Variants in PIF1 observed in about 807,000 individuals in gnomAD.
PIF1 encodes the protein PIF1 5'-to-3' DNA helicase.
PIF1 carries 67 observed loss-of-function variants against 62.3 expected under a neutral mutation model. The observed-to-expected ratio is 1.08, with a 90% confidence interval of 0.88 to 1.32. The LOEUF (loss-of-function observed/expected upper bound fraction) is 1.32. PIF1 is among the 40% of genes most tolerant of loss of function. PIF1 has a pLI of 0.00. For missense variants in PIF1, 886 were observed against 866.1 expected (o/e 1.02, Z -0.29); for synonymous variants, 364 against 379.5 (o/e 0.96, Z 0.47).
At position 64,816,050 on chromosome 15, in the gene PIF1, C is replaced by T; in HGVS notation, c.*248G>A. ...ACCACACAGGCTCATTCTCAACTGGCACAGAAAGGGTTACTTCTGACCCTA... is the reference window on the plus strand; with the variant it reads ...ACCACACAGGCTCATTCTCAACTGGTACAGAAAGGGTTACTTCTGACCCTA... On this transcript the variant is annotated 3_prime_UTR_variant, in exon 13 of 13. Coordinates refer to ENST00000559239, the MANE Select transcript of PIF1 (RefSeq NM_001286496.2). The T allele has an allele frequency of 6.8e-7, 1 of 1,462,218 alleles. No homozygotes were observed. The highest frequency in any genetic ancestry group is 9.0e-7 in the Non-Finnish European group (1 of 1,111,236). 90.6% of individuals were successfully genotyped at this position (1,462,218 alleles called of 1,614,324 possible). A position where few individuals can be genotyped will look rare whatever the true frequency, so the allele number is the denominator to read the frequency against.
intron 9 of PIF1, chr15:64,818,885 AAAG>A (rs1240987575): frequency 9.2e-6 from 4 of 435,060 alleles, no homozygotes; most frequent in African/African-American, 8.2e-5. Context: ...TCAGCAAGGG[AAAG>A]AAATTTGCCC....
intron 2 of PIF1, 137 bp downstream of exon 2, chr15:64,823,641 A>G (rs1368768589): frequency 5.5e-6 from 3 of 542,504 alleles, no homozygotes; most frequent in Non-Finnish European, 8.7e-6. Flanking sequence ...CAATTCCCAC[A>G]CCCCTGTCAT....
chr15:64,819,529 G>A (rs955870186), intron 8 of PIF1, among the ~76,000 whole-genome samples: 2 of 152,008 alleles, frequency 1.3e-5, no homozygotes, highest in East Asian at 3.9e-4. Flanking sequence ...GGCTGGTCTC[G>A]AACTGCTGGC....
chr15:64,821,990 TC>T (rs2084296858), intron 4 of PIF1: 1 of 415,066 alleles, frequency 2.4e-6, no homozygotes, highest in Admixed American at 4.4e-5. Context: ...TCCGCCTGCC[TC>T]GGCCTCCCAA....
chr15:64,816,452 C>A, intron 12 of PIF1, 95 bp from the exon 13 acceptor site: 1 of 1,600,046 alleles, frequency 6.2e-7, no homozygotes, highest in South Asian at 1.1e-5. Flanking sequence ...GCCCTCACCC[C>A]TAAAGGAGCC....
intron 9 of PIF1, 178 bp from the exon 10 acceptor site, chr15:64,818,522 G>A (rs1181948299): frequency 1.7e-6 from 1 of 599,654 alleles, no homozygotes; most frequent in Non-Finnish European, 2.9e-6. Flanking sequence ...ATCTTCCTCG[G>A]TCCCAATTTT....
chr15:64,825,190 C>T (rs993266384), intron 1 of PIF1, among the ~76,000 whole-genome samples: 2 of 151,864 alleles, frequency 1.3e-5, no homozygotes, highest in African/African-American at 4.8e-5. Context: ...GAGTACTCTC[C>T]CCAGGAAGCA....
In PIF1 at chr15:64,821,062, T is replaced by C; in HGVS notation, c.1113A>G (p.Pro371=). The C allele has an allele frequency of 6.2e-7, 1 of 1,613,134 alleles. No homozygotes were observed. The highest frequency in any genetic ancestry group is 8.5e-7 in the Non-Finnish European group (1 of 1,179,626). ...ACACCTTGGTCAGCTCCAGGGTCAC[T>C]GGCACACACCTCTTCCAGCTCTTGG... ...FQSKSWKRCV[P]VTLELTKVWR... Residue 371 remains proline (P), a synonymous_variant, in exon 7 of 13, where the codon CCA becomes CCG. Transcript: ENST00000559239.
upstream of PIF1, among the ~76,000 whole-genome samples, chr15:64,826,663 T>TAC (rs1243953652): frequency 8.0e-3 from 219 of 27,326 alleles, no homozygotes; most frequent in Middle Eastern, 0.025. Flanking sequence ...TATATATATA[T>TAC]ATACACACAC....
chr15:64,819,093 G>A (rs750654009), intron 9 of PIF1, 24 bp downstream of exon 9: 29 of 1,550,568 alleles, frequency 1.9e-5, no homozygotes, highest in Non-Finnish European at 2.4e-5. Flanking sequence ...AGCTCCCAGG[G>A]GCTAGGCCCT....
intron 4 of PIF1, 71 bp downstream of exon 4, chr15:64,822,195 C>T: frequency 6.4e-7 from 1 of 1,560,104 alleles, no homozygotes; most frequent in South Asian, 1.2e-5. Context: ...CCTCTTTATG[C>T]AGACCTCCCC....
intron 7 of PIF1, among the ~76,000 whole-genome samples, chr15:64,820,767 C>A (rs1305645008): frequency 2.8e-4 from 3 of 10,724 alleles, no homozygotes; most frequent in Non-Finnish European, 1.4e-3. Context: ...TAGGTCCCAG[C>A]ACTCAGAGCA....
chr15:64,822,501 C>T lies in PIF1; in HGVS notation c.668G>A (p.Ser223Asn). 6.2e-7 allele frequency: 1 copy of T among 1,614,098 alleles called. No homozygotes were observed. Among genetic ancestry groups the T allele is most frequent in the Non-Finnish European group, 8.5e-7 (1 of 1,180,004 alleles). ...ACCTGCACTCCCAGTGAAGAAGATG[C>T]TCTGGCCTTTCAGGACGGCCCTCAG... ...AVLRAVLKGQ[S>N]IFFTGSAGTG... The change falls in exon 3 of 13, where the codon AGC becomes AAC. Residue 223 changes from serine to asparagine, a missense_variant. Physicochemically the swap from Ser to Asn is conservative, Grantham distance 46. Transcript: ENST00000559239.
At position 64,818,300 on chromosome 15, in the gene PIF1, A is replaced by G. The variant is rs201053590; in HGVS notation, c.1485T>C (p.Asn495=). The part of the protein sequence containing the change: ...KNLSVSRGLV[N]GARGVVVGFE... Reference sequence around the variant, plus strand: ...ACCCAACTACCACCCCTCGGGCACCATTCACCAGGCCCCGAGACACCGATA... The same window carrying G: ...ACCCAACTACCACCCCTCGGGCACCGTTCACCAGGCCCCGAGACACCGATA... Residue 495 remains asparagine, a synonymous_variant, in exon 10 of 13, where the codon AAT becomes AAC. Coordinates refer to ENST00000559239, the MANE Select transcript of PIF1 (RefSeq NM_001286496.2). 84 of 1,613,852 alleles carry G rather than the reference A, an allele frequency of 5.2e-5. No individual in the cohort carries two copies. Among genetic ancestry groups the G allele is most frequent in the Admixed American group, 3.3e-5 (2 of 59,982 alleles).
In PIF1 at chr15:64,824,328, G is replaced by A. The variant is rs1483162703; in HGVS notation, c.8C>T (p.Ser3Leu). Residue 3 changes from serine to leucine, a missense_variant, in exon 2 of 13, where the codon TCG (serine) becomes TTG (leucine). Physicochemically the swap from Ser to Leu is moderately radical, Grantham distance 145. Coordinates refer to ENST00000559239, the MANE Select transcript of PIF1 (RefSeq NM_001286496.2). ML[S>L]GIEAAAGEYE... is the part of the protein sequence containing the mutation. Reference sequence around the variant, plus strand: ...TTCCCCTGCCGCCGCCTCTATGCCCGAGAGCATCGTCACCGCCTCTGCTGG... The same window carrying A: ...TTCCCCTGCCGCCGCCTCTATGCCCAAGAGCATCGTCACCGCCTCTGCTGG... 10 of 1,252,932 alleles carry A rather than the reference G, an allele frequency of 8.0e-6. No individual in the cohort carries two copies. In the African/African-American group the frequency reaches 1.1e-4, roughly 14 times the overall value. 77.6% of individuals were successfully genotyped at this position (1,252,932 alleles called of 1,614,324 possible). A position where few individuals can be genotyped will look rare whatever the true frequency, so the allele number is the denominator to read the frequency against.
upstream of PIF1, among the ~76,000 whole-genome samples, chr15:64,826,669 C>CACACAG (rs2084375098): frequency 1.3e-5 from 1 of 75,826 alleles, no homozygotes; most frequent in Non-Finnish European, 2.4e-5. Context: ...TATATATACA[C>CACACAG]ACACACACAC....
rs772801522 is a variant in PIF1, at chr15:64,822,349, AGT to A, written c.732_733del (p.Leu245AlafsTer61). On this transcript the variant is annotated frameshift_variant, in exon 4 of 13. Coordinates refer to ENST00000559239, the MANE Select transcript of PIF1 (RefSeq NM_001286496.2). LOFTEE classifies it high-confidence loss of function. The stretch of plus-strand genomic sequence containing the variant: ...AGTGGCCACAGTGCCTGTGGGGGGC[AGT>A]GAGCCCAGGATTCGCTTTAGCAGAT... The A allele has an allele frequency of 3.5e-5, 57 of 1,612,986 alleles. No homozygotes were observed. Among genetic ancestry groups the A allele is most frequent in the Non-Finnish European group, 4.8e-5 (57 of 1,179,958 alleles).
At position 64,822,614 on chromosome 15, in the gene PIF1, G is replaced by A. The variant is rs199605710; in HGVS notation, c.559-4C>T. On this transcript the variant is annotated splice_polypyrimidine_tract_variant and splice_region_variant and intron_variant, in intron 2 of 12. Coordinates refer to ENST00000559239, the MANE Select transcript of PIF1 (RefSeq NM_001286496.2). The stretch of plus-strand genomic sequence containing the variant: ...GCAGGGGCCACCTTGGGGCTTCCTG[G>A]GGGGAACAGAGCTATCTCAGAGCAT... The A allele has an allele frequency of 6.2e-7, 1 of 1,613,578 alleles. No individual in the cohort carries two copies. Among genetic ancestry groups the A allele is most frequent in the Non-Finnish European group, 8.5e-7 (1 of 1,179,992 alleles).
At chr15:64,816,914 TG>T in intron 11 of PIF1, 149 bp from the exon 12 acceptor site, 1 of 701,114 alleles carries the variant, frequency 1.4e-6, no homozygotes, top group Non-Finnish European at 2.2e-6. Context: ...TGACAGCAGG[TG>T]GCTGTCTGAG....
Sources: gnomAD v4.1 joint callset for allele counts (sites outside exome capture counted in the v4.1 genomes callset) on GRCh38, gnomAD v4.1.1 for gene constraint, MANE v1.5 for transcripts, NCBI Gene and HGNC (gene_info 2026-07-23, HGNC 2026-07-21) for gene names.